The following LUZP2 variants were observed in gnomAD, a reference collection of about 807,000 sequenced individuals.
LUZP2 encodes the protein leucine zipper protein 2.
Under a neutral mutation model 51.6 loss-of-function variants are expected in LUZP2, and 52 were observed. That is an observed-to-expected ratio of 1.01 (90% CI 0.81 to 1.27). The LOEUF is 1.27. LUZP2 is among the 50% of genes most tolerant of loss of function. The probability of loss-of-function intolerance (pLI) is 0.00; values close to 1 mark genes in which losing one functional copy is unlikely to be tolerated. For missense variants in LUZP2, 436 were observed against 395.4 expected, an observed-to-expected ratio of 1.10 and a Z score of -0.87; for synonymous variants, 154 against 137.3, an observed-to-expected ratio of 1.12 and a Z score of -0.85.
chr11:24,920,462 A>T (rs1023669061), intron 7 of LUZP2, among the ~76,000 whole-genome samples: 1 of 152,092 alleles, frequency 6.6e-6, no homozygotes, highest in Non-Finnish European at 1.5e-5. Flanking sequence ...CCCAAAAAGA[A>T]ATAATTAAAT....
intron 5 of LUZP2, among the ~76,000 whole-genome samples, chr11:24,797,989 G>T (rs1590546948): frequency 1.3e-5 from 2 of 152,156 alleles, no homozygotes; most frequent in East Asian, 1.9e-4. Flanking sequence ...AGTAAAAGGA[G>T]CTGAGAACAG....
chr11:24,807,691 G>A (rs1302800500), intron 5 of LUZP2, among the ~76,000 whole-genome samples: 1 of 152,078 alleles, frequency 6.6e-6, no homozygotes, highest in Admixed American at 6.6e-5. Flanking sequence ...TCAGATTCAT[G>A]TTGGCCTCTC....
chr11:24,721,546 A>G (rs1243192476), intron 1 of LUZP2, among the ~76,000 whole-genome samples: 2 of 152,202 alleles, frequency 1.3e-5, no homozygotes. Context: ...TGCAGAAAGT[A>G]TGATTGTGTA....
intron 2 of LUZP2, among the ~76,000 whole-genome samples, chr11:24,730,974 T>G (rs1287016389): frequency 6.6e-6 from 1 of 151,806 alleles, no homozygotes; most frequent in Non-Finnish European, 1.5e-5. Flanking sequence ...TTAACTCCTG[T>G]GAATGATTAT....
intron 9 of LUZP2, among the ~76,000 whole-genome samples, chr11:25,026,425 T>A (rs1401004303): frequency 6.6e-6 from 1 of 152,198 alleles, no homozygotes; most frequent in East Asian, 1.9e-4. Flanking sequence ...AGATAAATTA[T>A]TAGATTGTGA....
At chr11:24,651,271 A>G (rs768619273) in intron 1 of LUZP2, among the ~76,000 whole-genome samples, 1 of 152,130 alleles carries the variant, frequency 6.6e-6, no homozygotes, top group Non-Finnish European at 1.5e-5. Context: ...TATTTGAAGC[A>G]TATTAGTTCA....
At chr11:24,756,563 G>A (rs1014401488) in intron 4 of LUZP2, among the ~76,000 whole-genome samples, 3 of 152,016 alleles carry the variant, frequency 2.0e-5, no homozygotes, top group Non-Finnish European at 2.9e-5. Flanking sequence ...TTCTCTTTCC[G>A]AGCTGTGTTT....
At chr11:24,741,306 C>T (rs1859131378) in intron 4 of LUZP2, among the ~76,000 whole-genome samples, 1 of 152,000 alleles carries the variant, frequency 6.6e-6, no homozygotes. Context: ...AGGGGCAACA[C>T]AGTGATATTT....
intron 1 of LUZP2, among the ~76,000 whole-genome samples, chr11:24,567,968 T>G: frequency 6.6e-6 from 1 of 152,200 alleles, no homozygotes; most frequent in South Asian, 2.1e-4. Flanking sequence ...TCTCACCAAC[T>G]TAATAAAATT....
chr11:24,786,408 T>C (rs1035697917), intron 5 of LUZP2: 30 of 982,184 alleles, frequency 3.1e-5, no homozygotes, highest in Non-Finnish European at 3.6e-5. Flanking sequence ...TTCTTTCCAC[T>C]TAGTATACAT....
At chr11:24,625,524 T>A (rs941321780) in intron 1 of LUZP2, among the ~76,000 whole-genome samples, 1 of 152,116 alleles carries the variant, frequency 6.6e-6, no homozygotes, top group African/African-American at 2.4e-5. Context: ...TAAATATAAT[T>A]CTACTTATTT....
At chr11:24,588,844 A>G (rs1009353596) in intron 1 of LUZP2, among the ~76,000 whole-genome samples, 24 of 151,750 alleles carry the variant, frequency 1.6e-4, no homozygotes, top group African/African-American at 5.6e-4. Context: ...TAAAATCTCA[A>G]TAATTTTTTT....
At chr11:24,979,014 A>G (rs753566553) in intron 8 of LUZP2, among the ~76,000 whole-genome samples, 5 of 151,790 alleles carry the variant, frequency 3.3e-5, no homozygotes, top group Non-Finnish European at 4.4e-5. Flanking sequence ...TTATGTTCAA[A>G]TCATGACTCT....
intron 5 of LUZP2, among the ~76,000 whole-genome samples, chr11:24,887,987 A>T (rs1283141847): frequency 6.6e-6 from 1 of 152,208 alleles, no homozygotes; most frequent in Admixed American, 6.5e-5. Context: ...AAATTAATGC[A>T]TGTTTTCAGC....
At chr11:24,760,026 G>A (rs1202469872) in intron 4 of LUZP2, among the ~76,000 whole-genome samples, 2 of 152,120 alleles carry the variant, frequency 1.3e-5, no homozygotes, top group Non-Finnish European at 2.9e-5. Flanking sequence ...AGAAAGGCAG[G>A]ACAACTTGAA....
intron 3 of LUZP2, among the ~76,000 whole-genome samples, chr11:24,735,696 TAAAATTCTTTGTAACAC>T (rs1858912317): frequency 6.6e-6 from 1 of 151,944 alleles, no homozygotes; most frequent in African/African-American, 2.4e-5. Flanking sequence ...AATGGTCCTT[TAAAATTCTTTGTAACAC>T]AAAATGTTAT....
At chr11:24,995,094 A>T (rs1856453545) in intron 9 of LUZP2, among the ~76,000 whole-genome samples, 1 of 152,210 alleles carries the variant, frequency 6.6e-6, no homozygotes, top group Non-Finnish European at 1.5e-5. Flanking sequence ...TTTGCTTTTA[A>T]AAATGAATTA....
chr11:25,079,321 G>C lies in LUZP2; in HGVS notation c.*663G>C, dbSNP rs1859406499. 6.6e-6 allele frequency: 1 copy of C among 151,992 alleles called. No individual in the cohort carries two copies. The highest frequency in any genetic ancestry group is 1.5e-5 in the Non-Finnish European group (1 of 67,998). The allele number at this position is 151,992 out of a possible 1,614,324, so 9.4% of individuals were successfully genotyped here. On this transcript the variant is annotated 3_prime_UTR_variant, in exon 12 of 12. Coordinates refer to ENST00000336930, the MANE Select transcript of LUZP2 (RefSeq NM_001009909.4). ...AATTTCTGACACAATTAAATATTTT[G>C]GCATTCTATAGACACATCTCCTATG...
At chr11:24,947,386 G>A (rs942405518) in intron 7 of LUZP2, among the ~76,000 whole-genome samples, 9 of 151,868 alleles carry the variant, frequency 5.9e-5, no homozygotes, top group African/African-American at 2.2e-4. Context: ...GGAAGAGGTA[G>A]AAAGGGAGGC....
Sources: gnomAD v4.1 joint callset for allele counts (sites outside exome capture counted in the v4.1 genomes callset) on GRCh38, gnomAD v4.1.1 for gene constraint, MANE v1.5 for transcripts, NCBI Gene and HGNC (gene_info 2026-07-23, HGNC 2026-07-21) for gene names.